Variants in VSX1 observed in about 807,000 individuals in gnomAD.
VSX1 encodes the protein visual system homeobox 1.
A neutral mutation model predicts 23.6 loss-of-function variants in VSX1; 23 were observed. The ratio of observed to expected loss-of-function variants is 0.97; its 90% CI spans 0.70 to 1.38. VSX1 has a LOEUF of 1.38. VSX1 is among the 40% of genes most tolerant of loss of function. The pLI is 0.00. For missense variants in VSX1, 517 were observed against 495.4 expected (o/e 1.04, Z -0.41); for synonymous variants, 247 against 215.1 (o/e 1.15, Z -1.30).
At position 25,076,290 on chromosome 20, in the gene VSX1, G is replaced by T. The variant is rs2089489349; in HGVS notation, c.1069C>A (p.Pro357Thr). The stretch of plus-strand genomic sequence containing the variant: ...GTGGCTCCCACCTTCCCTGGCTGGG[G>T]CCCCTCCAGTGCCGTGGAGTTGGAG... The part of the protein sequence containing the change: ...GGSNSTALEG[P>T]QPGKVGAT Residue 357 changes from proline to threonine, a missense_variant, in exon 5 of 5, where the codon CCC (proline) becomes ACC (threonine). Transcript: ENST00000376709. The T allele has an allele frequency of 6.2e-7, 1 of 1,614,206 alleles. No individual in the cohort carries two copies.
downstream of VSX1, chr20:25,072,651 T>C (rs745331501): frequency 2.1e-6 from 1 of 471,174 alleles, no homozygotes; most frequent in South Asian, 1.5e-5. Flanking sequence ...CCTCTGAGAA[T>C]GCAAAGAGAT....
chr20:25,073,603 C>G (rs1214159706), downstream of VSX1, among the ~76,000 whole-genome samples: 1 of 152,198 alleles, frequency 6.6e-6, no homozygotes, highest in Non-Finnish European at 1.5e-5. Flanking sequence ...ATTCTGCCCA[C>G]CTGGCTGGTG....
In VSX1 at chr20:25,077,778, C is replaced by G. The variant is rs749663315; in HGVS notation, c.715G>C (p.Gly239Arg). 1.8e-5 allele frequency: 28 copies of G among 1,550,896 alleles called. No individual in the cohort carries two copies. The highest frequency in any genetic ancestry group is 8.3e-5 in the South Asian group (7 of 84,066). Residue 239 changes from glycine to arginine, a missense_variant, in exon 4 of 5, where the codon GGG becomes CGG. Transcript: ENST00000376709. ...GGGATGCAGTGGCGCACCATGGCCC[C>G]GTACAGCCCGTACTCGGCCATCACG... ...SSVMAEYGLYGAMVRHCIPLP... is the reference protein window; with the variant it reads ...SSVMAEYGLYRAMVRHCIPLP...
chr20:25,078,917 TC>T lies in VSX1; in HGVS notation c.538del (p.Glu180ArgfsTer20). ...GTAGTGGGCCTCGCTGAATGCCTTC[TC>T]CAACTCTTCCAGCTGGTGAGCAGTG... ...VFTAHQLEELEKAFSEAHYPD... is the reference protein window; with the variant it reads ...VFTAHQLEELXKAFSEAHYPD... On this transcript the variant is annotated frameshift_variant, in exon 3 of 5. Coordinates refer to ENST00000376709, the MANE Select transcript of VSX1 (RefSeq NM_014588.6). LOFTEE classifies it high-confidence loss of function. The T allele has an allele frequency of 1.9e-6, 3 of 1,614,138 alleles. No homozygotes were observed. Among genetic ancestry groups the T allele is most frequent in the Non-Finnish European group, 2.5e-6 (3 of 1,180,020 alleles).
downstream of VSX1, chr20:25,075,292 A>T (rs1278932545): frequency 3.3e-5 from 5 of 152,204 alleles, no homozygotes; most frequent in East Asian, 9.6e-4. Context: ...AGTGTATCAG[A>T]CACAGCTGCT....
rs2089598595 is a variant in VSX1, at chr20:25,079,654, A to G, written c.425-140T>C. The G allele has an allele frequency of 9.5e-6, 7 of 738,424 alleles. No individual in the cohort carries two copies. In the South Asian group the frequency reaches 1.0e-4, roughly 11 times the overall value. 45.7% of individuals were successfully genotyped at this position (738,424 alleles called of 1,614,324 possible). ...GTATGAGCCAGCATTTTTAGTGCCTACTAGATCCCAGGCTCTGTGCTTAAC... is the reference window on the plus strand; with the variant it reads ...GTATGAGCCAGCATTTTTAGTGCCTGCTAGATCCCAGGCTCTGTGCTTAAC... On this transcript the variant is annotated intron_variant, in intron 1 of 4. Coordinates refer to ENST00000376709, the MANE Select transcript of VSX1 (RefSeq NM_014588.6).
Position 25,075,918 on chromosome 20 carries a change from A to G in VSX1, c.*343T>C, listed in dbSNP as rs2089479993. 2 of 364,448 alleles carry G rather than the reference A, an allele frequency of 5.5e-6. No homozygotes were observed. The highest frequency in any genetic ancestry group is 1.0e-5 in the Non-Finnish European group (2 of 193,852). 22.6% of individuals were successfully genotyped at this position (364,448 alleles called of 1,614,324 possible). ...TGAGGACATCAGACCTAACCTATTCATCTATACAGTACATTGAACCACACA... is the reference window on the plus strand; with the variant it reads ...TGAGGACATCAGACCTAACCTATTCGTCTATACAGTACATTGAACCACACA... On this transcript the variant is annotated 3_prime_UTR_variant, in exon 5 of 5. Transcript: ENST00000376709.
In VSX1 at chr20:25,081,929, C is replaced by G. The variant is rs1021517210; in HGVS notation, c.168G>C (p.Glu56Asp). The G allele has an allele frequency of 7.0e-5, 107 of 1,531,578 alleles. No individual in the cohort carries two copies. The highest frequency in any genetic ancestry group is 9.3e-5 in the Non-Finnish European group (107 of 1,145,504). 94.9% of individuals were successfully genotyped at this position (1,531,578 alleles called of 1,614,324 possible). A position where few individuals can be genotyped will look rare whatever the true frequency, so the allele number is the denominator to read the frequency against. The change falls in exon 1 of 5, where the codon GAG (glutamate) becomes GAC (aspartate). Residue 56 changes from glutamate (E) to aspartate (D), a missense_variant. Glu to Asp is a conservative substitution (Grantham distance 45, BLOSUM62 2). Coordinates refer to ENST00000376709, the MANE Select transcript of VSX1 (RefSeq NM_014588.6). ...CCGGGCACGGCGCGACTGCCGGACC[C>G]TCGCAGCCAGATCCCTGTCCTGGGC... ...PAGPGQGSGC[E>D]GPAVAPCPGP...
At position 25,078,877 on chromosome 20, in the gene VSX1, G is replaced by A. The variant is rs2122884530; in HGVS notation, c.579C>T (p.Ala193=). The A allele has an allele frequency of 6.2e-7, 1 of 1,614,166 alleles. No homozygotes were observed. The highest frequency in any genetic ancestry group is 1.3e-5 in the African/African-American group (1 of 75,016). ...CAGTTTTCACAGCCAGCATTTCTCG[G>A]GCATACACATCAGGGTAGTGGGCCT... ...FSEAHYPDVY[A]REMLAVKTEL... The change falls in exon 3 of 5, where the codon GCC becomes GCT. Residue 193 remains alanine (A), a synonymous_variant. Transcript: ENST00000376709.
intron 2 of VSX1, 66 bp downstream of exon 2, chr20:25,079,370 A>T: frequency 6.8e-7 from 1 of 1,474,478 alleles, no homozygotes; most frequent in South Asian, 1.3e-5. Context: ...TCTCAGATGC[A>T]GGTGCCATAA....
chr20:25,079,102 G>A, intron 2 of VSX1, 150 bp from the exon 3 acceptor site: 1 of 870,276 alleles, frequency 1.1e-6, no homozygotes, highest in Non-Finnish European at 1.8e-6. Flanking sequence ...TGAATGATTA[G>A]CTGATGTCCA....
At chr20:25,079,103 C>A in intron 2 of VSX1, 151 bp from the exon 3 acceptor site, 1 of 866,544 alleles carries the variant, frequency 1.2e-6, no homozygotes, top group Non-Finnish European at 1.8e-6. Context: ...GAATGATTAG[C>A]TGATGTCCAG....
At chr20:25,072,311 C>T (rs994083439), downstream of VSX1, among the ~76,000 whole-genome samples, 1 of 152,206 alleles carries the variant, frequency 6.6e-6, no homozygotes, top group African/African-American at 2.4e-5. Flanking sequence ...GTGTGAGGTA[C>T]AGGTCCAATT....
At chr20:25,078,735 G>A (rs747073320) in intron 3 of VSX1, 94 bp downstream of exon 3, 1 of 1,614,088 alleles carries the variant, frequency 6.2e-7, no homozygotes, top group South Asian at 1.1e-5. Context: ...GAGCGTGTTG[G>A]CTATAGAGAA....
intron 4 of VSX1, 148 bp downstream of exon 4, chr20:25,077,537 T>C: frequency 1.0e-6 from 1 of 961,374 alleles, no homozygotes; most frequent in Non-Finnish European, 1.5e-6. Flanking sequence ...TTGTTATTAA[T>C]TAAAAATAAT....
chr20:25,078,035 C>G (rs2089548236), intron 3 of VSX1, 170 bp from the exon 4 acceptor site: 4 of 871,854 alleles, frequency 4.6e-6, no homozygotes, highest in Non-Finnish European at 5.3e-6. Context: ...TCAGGGAGAG[C>G]GCCCAGGAGC....
chr20:25,074,205 G>C (rs1260345417), downstream of VSX1, among the ~76,000 whole-genome samples: 2 of 152,188 alleles, frequency 1.3e-5, no homozygotes, highest in African/African-American at 2.4e-5. Flanking sequence ...AGAAAAATGA[G>C]TGTTCTGCTG....
At chr20:25,071,097 A>T, downstream of VSX1, 1 of 454,128 alleles carries the variant, frequency 2.2e-6, no homozygotes. Flanking sequence ...GGGGTCAAAG[A>T]GGAGACGACC....
Position 25,082,135 on chromosome 20 carries a change from C to G in VSX1, c.-39G>C, listed in dbSNP as rs567273266. 101 of 1,536,030 alleles carry G rather than the reference C, an allele frequency of 6.6e-5. No individual in the cohort carries two copies. In the African/African-American group the frequency reaches 1.1e-3, roughly 16 times the overall value. On this transcript the variant is annotated 5_prime_UTR_variant, in exon 1 of 5. Coordinates refer to ENST00000376709, the MANE Select transcript of VSX1 (RefSeq NM_014588.6). ...GCAAGGCGCGAGCCTCTCTGGATCCCGTTTGCGGAGGGCCCAGCTTAGAGG... is the reference window on the plus strand; with the variant it reads ...GCAAGGCGCGAGCCTCTCTGGATCCGGTTTGCGGAGGGCCCAGCTTAGAGG...
Sources: gnomAD v4.1 joint callset for allele counts (sites outside exome capture counted in the v4.1 genomes callset) on GRCh38, gnomAD v4.1.1 for gene constraint, MANE v1.5 for transcripts, NCBI Gene and HGNC (gene_info 2026-07-23, HGNC 2026-07-21) for gene names.